FGGY: variants seen among roughly 807,000 people sequenced by gnomAD.
The protein encoded by FGGY is FGGY carbohydrate kinase domain containing, also known as FGGY carbohydrate kinase domain-containing protein.
FGGY carries 72 observed loss-of-function variants against 71.3 expected under a neutral mutation model. The ratio of observed to expected loss-of-function variants is 1.01; its 90% CI spans 0.84 to 1.23. The LOEUF (loss-of-function observed/expected upper bound fraction) is 1.23, where lower values mean the gene tolerates loss of function less well. Ranked by LOEUF, FGGY falls within the 50% of genes most tolerant of loss-of-function variation. FGGY has a pLI of 0.00. For synonymous variants in FGGY, 251 were observed against 250.3 expected, an observed-to-expected ratio of 1.00 and a Z score of -0.02; for missense variants, 668 against 682.3, an observed-to-expected ratio of 0.98 and a Z score of 0.23.
At chr1:59,654,834 T>G (rs2097203533) in intron 11 of FGGY, among the ~76,000 whole-genome samples, 1 of 152,180 alleles carries the variant, frequency 6.6e-6, no homozygotes, top group Admixed American at 6.5e-5. Flanking sequence ...TGCCGTAGTT[T>G]AGACAGCTAC....
intron 6 of FGGY, among the ~76,000 whole-genome samples, chr1:59,471,945 G>A (rs930510551): frequency 6.6e-6 from 1 of 152,238 alleles, no homozygotes; most frequent in Non-Finnish European, 1.5e-5. Flanking sequence ...AATTGGAGTG[G>A]TAGTGAGAAG....
At chr1:59,508,499 A>G (rs1393847093) in intron 6 of FGGY, among the ~76,000 whole-genome samples, 2 of 152,216 alleles carry the variant, frequency 1.3e-5, no homozygotes, top group Non-Finnish European at 2.9e-5. Flanking sequence ...AAAGCCAAAC[A>G]AGGATTATAT....
intron 5 of FGGY, among the ~76,000 whole-genome samples, chr1:59,398,319 A>AT (rs1241429812): frequency 6.6e-6 from 1 of 152,062 alleles, no homozygotes; most frequent in East Asian, 1.9e-4. Context: ...GTGCACTGCA[A>AT]CCTCTGCTTC....
intron 14 of FGGY, among the ~76,000 whole-genome samples, chr1:59,684,997 C>T (rs896555578): frequency 1.3e-5 from 2 of 152,166 alleles, no homozygotes; most frequent in African/African-American, 4.8e-5. Context: ...CTCTATTAAG[C>T]AAGAAATTGA....
intron 11 of FGGY, among the ~76,000 whole-genome samples, chr1:59,642,815 A>ACGT (rs977571719): frequency 2.0e-5 from 3 of 151,880 alleles, no homozygotes; most frequent in African/African-American, 7.3e-5. Context: ...ATGGATCACG[A>ACGT]GGTCAGGAGA....
chr1:59,688,225 C>T (rs930921675), intron 14 of FGGY, among the ~76,000 whole-genome samples: 2 of 152,274 alleles, frequency 1.3e-5, no homozygotes, highest in Non-Finnish European at 2.9e-5. Context: ...AGCCCTGGAC[C>T]ATTCACTATT....
At chr1:59,449,359 C>A (rs1200844080) in intron 5 of FGGY, among the ~76,000 whole-genome samples, 1 of 152,222 alleles carries the variant, frequency 6.6e-6, no homozygotes, top group African/African-American at 2.4e-5. Context: ...TCTCGGCTCA[C>A]TGCAACCTCC....
intron 11 of FGGY, among the ~76,000 whole-genome samples, chr1:59,659,045 C>CA (rs1279112175): frequency 3.9e-5 from 6 of 152,048 alleles, no homozygotes; most frequent in East Asian, 3.9e-4. Flanking sequence ...ACTAAAAATA[C>CA]AAAAAAATTA....
chr1:59,339,599 G>A (rs1352247246), intron 2 of FGGY, among the ~76,000 whole-genome samples: 2 of 151,848 alleles, frequency 1.3e-5, no homozygotes, highest in African/African-American at 4.8e-5. Context: ...TGAGTAGCTG[G>A]GATTACAGGC....
chr1:59,372,271 C>G (rs2057797361), intron 4 of FGGY, among the ~76,000 whole-genome samples: 1 of 152,158 alleles, frequency 6.6e-6, no homozygotes, highest in East Asian at 1.9e-4. Flanking sequence ...TCAGAGAATA[C>G]TACAAACACC....
At position 59,458,036 on chromosome 1, in the gene FGGY, G is replaced by C. The variant is rs1222542025; in HGVS notation, c.670+960G>C. Among the ~76,000 whole-genome samples the C allele has an allele frequency of 4.6e-5, 7 of 152,192 alleles. 1 individual carries two copies. Among genetic ancestry groups the C allele is most frequent in the Admixed American group, 4.6e-4 (7 of 15,274 alleles). ...GAGATTAGTAACCTTGCCTAACCTG[G>C]CATGGAATCAATAAATGGTAAGTCA... On this transcript the variant is annotated intron_variant, in intron 6 of 15. Coordinates refer to ENST00000303721, the MANE Select transcript of FGGY (RefSeq NM_018291.5).
At chr1:59,580,744 A>G (rs2096178322) in intron 8 of FGGY, among the ~76,000 whole-genome samples, 1 of 152,088 alleles carries the variant, frequency 6.6e-6, no homozygotes, top group African/African-American at 2.4e-5. Context: ...TACCGCATGT[A>G]TTTTCATTTC....
chr1:59,309,254 C>T (rs1473105572), intron 1 of FGGY, among the ~76,000 whole-genome samples: 1 of 152,120 alleles, frequency 6.6e-6, no homozygotes, highest in Non-Finnish European at 1.5e-5. Context: ...AAAATTATAT[C>T]TTAGTGTTGT....
intron 5 of FGGY, among the ~76,000 whole-genome samples, chr1:59,388,389 G>A (rs901980235): frequency 4.6e-5 from 7 of 152,058 alleles, no homozygotes; most frequent in Non-Finnish European, 8.8e-5. Flanking sequence ...TTCCCTTACC[G>A]TCTTGGAGAA....
At chr1:59,457,101 G>T (rs756966768) in intron 6 of FGGY, 25 bp downstream of exon 6, 7 of 1,500,040 alleles carry the variant, frequency 4.7e-6, no homozygotes, top group Non-Finnish European at 6.5e-6. Context: ...CATCTGTAGA[G>T]TGATTATGTG....
At chr1:59,618,486 G>A (rs1467914822) in intron 9 of FGGY, among the ~76,000 whole-genome samples, 2 of 152,074 alleles carry the variant, frequency 1.3e-5, no homozygotes, top group Admixed American at 1.3e-4. Flanking sequence ...TTGTGGAGGT[G>A]CATTTCTGAG....
chr1:59,561,181 G>T (rs1375773531), intron 8 of FGGY, among the ~76,000 whole-genome samples: 42 of 152,180 alleles, frequency 2.8e-4, no homozygotes, highest in Admixed American at 3.3e-4. Context: ...TACCAGAGGG[G>T]TGGAGTGGGA....
At chr1:59,400,252 T>C (rs1190682083) in intron 5 of FGGY, among the ~76,000 whole-genome samples, 2 of 152,202 alleles carry the variant, frequency 1.3e-5, no homozygotes, top group African/African-American at 4.8e-5. Context: ...ATCTCCCTTG[T>C]GAATGATAAA....
At chr1:59,559,465 T>A (rs982781297) in intron 8 of FGGY, among the ~76,000 whole-genome samples, 6 of 152,236 alleles carry the variant, frequency 3.9e-5, no homozygotes, top group Non-Finnish European at 7.3e-5. Context: ...GAAATAGTTA[T>A]GGATATATAT....
Sources: gnomAD v4.1 joint callset for allele counts (sites outside exome capture counted in the v4.1 genomes callset) on GRCh38, gnomAD v4.1.1 for gene constraint, MANE v1.5 for transcripts, NCBI Gene and HGNC (gene_info 2026-07-23, HGNC 2026-07-21) for gene names.